PAPPA: variants seen among roughly 807,000 people sequenced by gnomAD.
The protein encoded by PAPPA is pappalysin 1.
Under a neutral mutation model 164.0 loss-of-function variants are expected in PAPPA, and 60 were observed. The observed-to-expected ratio is 0.37, with a 90% CI of 0.30 to 0.45. The LOEUF (loss-of-function observed/expected upper bound fraction) is 0.45. Ranked by LOEUF, PAPPA falls within the 20% of genes least tolerant of loss-of-function variation. The probability of loss-of-function intolerance (pLI) is 1.00; values close to 1 mark genes in which losing one functional copy is unlikely to be tolerated. For synonymous variants in PAPPA, 875 were observed against 814.1 expected (o/e 1.07, Z -1.27); for missense variants, 1,782 against 2,087.3 (o/e 0.85, Z 2.85).
chr9:116,173,417 C>T (rs1389131731), intron 1 of PAPPA, among the ~76,000 whole-genome samples: 1 of 152,166 alleles, frequency 6.6e-6, no homozygotes, highest in Admixed American at 6.5e-5. Context: ...TCTGTTAGCT[C>T]TGTGACTGTC....
intron 10 of PAPPA, among the ~76,000 whole-genome samples, chr9:116,312,288 CTTTTTTT>C (rs5900201): frequency 6.2e-5 from 8 of 129,638 alleles, no homozygotes; most frequent in African/African-American, 1.7e-4. Flanking sequence ...TTCTTTCTTT[CTTTTTTT>C]TTTTTTTTTT....
chr9:116,235,602 C>T lies in PAPPA; in HGVS notation c.2697C>T (p.Ala899=). The change falls in exon 7 of 22, where the codon GCC becomes GCT. Residue 899 remains alanine (A), a synonymous_variant. Transcript: ENST00000328252. ...VRDPPLQMDV[A]SILHLNRKFV... Reference sequence around the variant, plus strand: ...ACCCTCCTCTCCAGATGGATGTGGCCTCCATCCTACATCTCAATAGGAAAT... The same window carrying T: ...ACCCTCCTCTCCAGATGGATGTGGCTTCCATCCTACATCTCAATAGGAAAT... The T allele has an allele frequency of 1.2e-6, 2 of 1,613,250 alleles. No homozygotes were observed. Among genetic ancestry groups the T allele is most frequent in the South Asian group, 2.2e-5 (2 of 91,034 alleles).
chr9:116,231,693 GGA>G (rs1564192631), intron 6 of PAPPA, among the ~76,000 whole-genome samples: 3 of 150,626 alleles, frequency 2.0e-5, no homozygotes, highest in East Asian at 2.0e-4. Flanking sequence ...ATGGATGGAT[GGA>G]TGGATGGATG....
chr9:116,202,770 C>T (rs1239575348), intron 2 of PAPPA, among the ~76,000 whole-genome samples: 1 of 152,082 alleles, frequency 6.6e-6, no homozygotes, highest in Non-Finnish European at 1.5e-5. Context: ...GGGTACACTT[C>T]CTGTGCTATC....
chr9:116,162,679 A>G (rs77636945), intron 1 of PAPPA, among the ~76,000 whole-genome samples: 7,887 of 152,260 alleles, frequency 0.052, 664 homozygotes, highest in African/African-American at 0.17. Context: ...TCCATGTGGA[A>G]AATGCTTAGT....
At chr9:116,289,355 A>G (rs1262655847) in intron 9 of PAPPA, among the ~76,000 whole-genome samples, 1 of 131,926 alleles carries the variant, frequency 7.6e-6, no homozygotes, top group Non-Finnish European at 1.6e-5. Flanking sequence ...TGGCATATAT[A>G]TGGCATATAT....
intron 2 of PAPPA, among the ~76,000 whole-genome samples, chr9:116,190,303 C>T (rs1358846431): frequency 6.6e-6 from 1 of 152,168 alleles, no homozygotes; most frequent in Non-Finnish European, 1.5e-5. Context: ...TGGAAGTCAT[C>T]CATTCATTTG....
intron 19 of PAPPA, among the ~76,000 whole-genome samples, chr9:116,369,236 CA>C (rs1846541126): frequency 6.6e-6 from 1 of 152,128 alleles, no homozygotes; most frequent in Non-Finnish European, 1.5e-5. Flanking sequence ...CTGTTTCCTC[CA>C]CCATTCCTGA....
At chr9:116,320,656 GT>G (rs1469911455) in intron 10 of PAPPA, among the ~76,000 whole-genome samples, 1 of 151,990 alleles carries the variant, frequency 6.6e-6, no homozygotes, top group Non-Finnish European at 1.5e-5. Flanking sequence ...AGTGATAATT[GT>G]TTCTAATGGT....
intron 17 of PAPPA, among the ~76,000 whole-genome samples, chr9:116,359,003 T>C (rs1846388811): frequency 6.6e-6 from 1 of 152,194 alleles, no homozygotes; most frequent in Admixed American, 6.5e-5. Context: ...ATGATCACTC[T>C]CTCAGGTAGT....
At chr9:116,367,271 G>A (rs1482378691) in intron 18 of PAPPA, among the ~76,000 whole-genome samples, 1 of 152,242 alleles carries the variant, frequency 6.6e-6, no homozygotes, top group Non-Finnish European at 1.5e-5. Context: ...ACCAACCAAA[G>A]AGTGAAGGTG....
chr9:116,303,427 C>G (rs2118892618), intron 10 of PAPPA, among the ~76,000 whole-genome samples: 1 of 152,288 alleles, frequency 6.6e-6, no homozygotes, highest in South Asian at 2.1e-4. Flanking sequence ...TCTCCAAGGG[C>G]CTTCCCAATT....
intron 21 of PAPPA, among the ~76,000 whole-genome samples, chr9:116,388,172 T>G (rs1846841415): frequency 6.6e-6 from 1 of 152,128 alleles, no homozygotes; most frequent in Admixed American, 6.6e-5. Context: ...TGCAGGAAAC[T>G]CTGTCTGACA....
chr9:116,179,615 T>A (rs1843879412), intron 1 of PAPPA, among the ~76,000 whole-genome samples: 1 of 152,156 alleles, frequency 6.6e-6, no homozygotes, highest in African/African-American at 2.4e-5. Flanking sequence ...TGAGGAGCAG[T>A]CCCCCAGGTA....
intron 2 of PAPPA, among the ~76,000 whole-genome samples, chr9:116,199,929 C>T (rs1481908361): frequency 1.3e-5 from 2 of 152,062 alleles, no homozygotes; most frequent in African/African-American, 2.4e-5. Context: ...ACCACCGACT[C>T]TCACCGGAAT....
At chr9:116,265,020 T>C (rs1319995645) in intron 7 of PAPPA, among the ~76,000 whole-genome samples, 1 of 152,124 alleles carries the variant, frequency 6.6e-6, no homozygotes, top group South Asian at 2.1e-4. Context: ...GAAGCAGTCC[T>C]TGGAATTGCG....
chr9:116,286,376 C>T (rs1184340109), intron 9 of PAPPA: 1 of 152,186 alleles, frequency 6.6e-6, no homozygotes, highest in Admixed American at 6.5e-5. Flanking sequence ...GGGAGAGAGC[C>T]TAATTAACTC....
chr9:116,247,541 G>A (rs762712552), intron 7 of PAPPA, among the ~76,000 whole-genome samples: 1 of 152,122 alleles, frequency 6.6e-6, no homozygotes, highest in Non-Finnish European at 1.5e-5. Context: ...TCACTCTGGG[G>A]GTAGGTAGGA....
intron 21 of PAPPA, among the ~76,000 whole-genome samples, chr9:116,389,695 C>G (rs773150167): frequency 6.6e-5 from 10 of 151,992 alleles, no homozygotes; most frequent in Non-Finnish European, 8.8e-5. Context: ...CCTCATGACT[C>G]ACTCCTTCAC....
Sources: gnomAD v4.1 joint callset for allele counts (sites outside exome capture counted in the v4.1 genomes callset) on GRCh38, gnomAD v4.1.1 for gene constraint, MANE v1.5 for transcripts, NCBI Gene and HGNC (gene_info 2026-07-23, HGNC 2026-07-21) for gene names.